Variants in SRPK2 observed in about 807,000 individuals in gnomAD.
The protein encoded by SRPK2 is SRSF protein kinase 2.
Under a neutral mutation model 90.8 loss-of-function variants are expected in SRPK2, and 21 were observed. The ratio of observed to expected loss-of-function variants is 0.23; its 90% CI spans 0.16 to 0.33. The LOEUF (loss-of-function observed/expected upper bound fraction) is 0.33. SRPK2 is among the 10% of genes least tolerant of loss of function. The probability of loss-of-function intolerance (pLI) is 1.00; values close to 1 mark genes in which losing one functional copy is unlikely to be tolerated. For synonymous variants in SRPK2, 288 were observed against 311.1 expected (o/e 0.93, Z 0.78); for missense variants, 620 against 869.0 (o/e 0.71, Z 3.60).
Position 105,348,708 on chromosome 7 carries a change from C to T in SRPK2, c.71+39940G>A, listed in dbSNP as rs191693533. ...AAAGTGCTGGAATTACAGGCGTGAG[C>T]CACCATGCCCAGCTGCATTTGAACT... is the stretch of plus-strand genomic sequence containing the variant. On this transcript the variant is annotated intron_variant, in intron 2 of 15. Coordinates refer to ENST00000393651, the MANE Select transcript of SRPK2 (RefSeq NM_182692.3). Among the ~76,000 whole-genome samples the T allele has an allele frequency of 2.9e-3, 435 of 151,654 alleles. 1 individual carries two copies. Among genetic ancestry groups the T allele is most frequent in the African/African-American group, 0.01 (419 of 41,400 alleles).
intron 1 of SRPK2, among the ~76,000 whole-genome samples, chr7:105,397,331 CTTT>C (rs1301286455): frequency 6.7e-5 from 9 of 135,002 alleles, no homozygotes; most frequent in Non-Finnish European, 4.8e-5. Flanking sequence ...GAGTGACTTT[CTTT>C]TTTTTTTTTT....
At chr7:105,186,395 G>A (rs1372074116) in intron 3 of SRPK2, among the ~76,000 whole-genome samples, 1 of 152,146 alleles carries the variant, frequency 6.6e-6, no homozygotes, top group Non-Finnish European at 1.5e-5. Context: ...CCATCTTTAA[G>A]TCCATGTGTG....
At chr7:105,254,564 T>A (rs773277399) in intron 2 of SRPK2, among the ~76,000 whole-genome samples, 4 of 152,212 alleles carry the variant, frequency 2.6e-5, no homozygotes, top group Non-Finnish European at 5.9e-5. Context: ...ATAAGAAAAT[T>A]TGCATATGTT....
At chr7:105,233,281 G>A (rs1799743153) in intron 2 of SRPK2, among the ~76,000 whole-genome samples, 1 of 152,154 alleles carries the variant, frequency 6.6e-6, no homozygotes, top group Admixed American at 6.5e-5. Context: ...CAGTTGACAA[G>A]AGAATGCAGA....
rs1386000202 is a variant in SRPK2 at position 105,313,463 on chromosome 7, A to AAAT, written c.71+75182_71+75184dup. ...CTCCATCTCAAAAAAAAAAAAAAAA[A>AAAT]AATTGGCCAGGCACAGTGGCTCACA... On this transcript the variant is annotated intron_variant, in intron 2 of 15. Transcript: ENST00000393651. Among the ~76,000 whole-genome samples, 4 of 140,018 alleles carry AAAT rather than the reference A, an allele frequency of 2.9e-5. No homozygotes were observed. In the Admixed American group the frequency reaches 2.9e-4, roughly 10 times the overall value. The allele number at this position is 140,018 out of a possible 152,430, so 91.9% of individuals were successfully genotyped here.
intron 2 of SRPK2, among the ~76,000 whole-genome samples, chr7:105,257,827 A>C (rs1803541774): frequency 6.6e-6 from 1 of 152,164 alleles, no homozygotes; most frequent in Non-Finnish European, 1.5e-5. Context: ...AATAAAAAAG[A>C]ATGGCCGGGT....
chr7:105,356,189 A>C (rs927511118), intron 2 of SRPK2, among the ~76,000 whole-genome samples: 1 of 152,130 alleles, frequency 6.6e-6, no homozygotes, highest in Non-Finnish European at 1.5e-5. Flanking sequence ...CTCTCCATTG[A>C]AGCTTATAGG....
intron 7 of SRPK2, among the ~76,000 whole-genome samples, chr7:105,154,045 G>A (rs1806143672): frequency 6.6e-6 from 1 of 152,330 alleles, no homozygotes; most frequent in South Asian, 2.1e-4. Flanking sequence ...AAGAGGACAA[G>A]AGCCAGAGAC....
chr7:105,214,290 G>T (rs929330067), intron 2 of SRPK2, among the ~76,000 whole-genome samples: 7 of 152,166 alleles, frequency 4.6e-5, no homozygotes, highest in Non-Finnish European at 8.8e-5. Context: ...AAGGTTAGCT[G>T]AAAAAGAGTT....
At position 105,188,259 on chromosome 7, in the gene SRPK2, T is replaced by C. The variant is rs551657002; in HGVS notation, c.229+15369A>G. Among the ~76,000 whole-genome samples the C allele has an allele frequency of 3.9e-5, 6 of 152,288 alleles. No homozygotes were observed. In the South Asian group the frequency reaches 1.2e-3, roughly 32 times the overall value. On this transcript the variant is annotated intron_variant, in intron 3 of 15. Coordinates refer to ENST00000393651, the MANE Select transcript of SRPK2 (RefSeq NM_182692.3). ...GAAGCCAAACACAAAAAGTGATGTA[T>C]TGTGTTTGTTTATATGAAAATGTCC...
intron 7 of SRPK2, among the ~76,000 whole-genome samples, chr7:105,157,050 G>GTA (rs1806599190): frequency 1.3e-5 from 2 of 152,148 alleles, no homozygotes; most frequent in Admixed American, 1.3e-4. Flanking sequence ...GCAATAGAAA[G>GTA]GAGAATAAAC....
At chr7:105,301,932 C>G in intron 2 of SRPK2, 1 of 1,609,246 alleles carries the variant, frequency 6.2e-7, no homozygotes, top group Non-Finnish European at 8.5e-7. Flanking sequence ...ACAGCCCCAT[C>G]AAGTAAGAAA....
At chr7:105,373,869 T>C (rs901587061) in intron 2 of SRPK2, among the ~76,000 whole-genome samples, 2 of 152,148 alleles carry the variant, frequency 1.3e-5, no homozygotes, top group Non-Finnish European at 2.9e-5. Flanking sequence ...TCGGTTCTAG[T>C]CACTTTCAAC....
chr7:105,159,891 T>C (rs1002121083), intron 7 of SRPK2, among the ~76,000 whole-genome samples: 5 of 152,216 alleles, frequency 3.3e-5, no homozygotes, highest in African/African-American at 1.2e-4. Flanking sequence ...TCTTGAAATA[T>C]GTGTACACTG....
At chr7:105,221,199 G>A (rs1444550512) in intron 2 of SRPK2, among the ~76,000 whole-genome samples, 2 of 152,092 alleles carry the variant, frequency 1.3e-5, no homozygotes, top group Middle Eastern at 3.2e-3. Context: ...CATTATGAGG[G>A]ACTTGTATCT....
chr7:105,209,623 A>G (rs1329693312), intron 2 of SRPK2, among the ~76,000 whole-genome samples: 1 of 151,764 alleles, frequency 6.6e-6, no homozygotes, highest in Non-Finnish European at 1.5e-5. Context: ...AAGGGGAAAG[A>G]AAAGGGGAAG....
upstream of SRPK2, among the ~76,000 whole-genome samples, chr7:105,393,208 C>T (rs2132910373): frequency 6.7e-6 from 1 of 150,358 alleles, no homozygotes; most frequent in East Asian, 1.9e-4. Context: ...GTTGGCCAGG[C>T]TGGTCTCAAA....
intron 2 of SRPK2, among the ~76,000 whole-genome samples, chr7:105,285,944 A>T (rs1808044829): frequency 6.6e-6 from 1 of 152,260 alleles, no homozygotes; most frequent in African/African-American, 2.4e-5. Flanking sequence ...CAAGCATTTT[A>T]CACCAGTTAC....
At chr7:105,123,630 C>T (rs879148240) in intron 15 of SRPK2, among the ~76,000 whole-genome samples, 1 of 152,080 alleles carries the variant, frequency 6.6e-6, no homozygotes, top group Admixed American at 6.5e-5. Flanking sequence ...TGCCAAAACA[C>T]ATGTTTCACG....
Sources: allele counts gnomAD v4.1 joint callset (sites outside exome capture counted in the v4.1 genomes callset), GRCh38; gene constraint gnomAD v4.1.1; transcripts MANE v1.5; gene names NCBI Gene and HGNC (gene_info 2026-07-23, HGNC 2026-07-21).